Variants in ARHGEF4 observed in about 807,000 individuals in gnomAD.
ARHGEF4 encodes Rho guanine nucleotide exchange factor 4.
Under a neutral mutation model 162.0 loss-of-function variants are expected in ARHGEF4, and 119 were observed. The ratio of observed to expected loss-of-function variants is 0.73; its 90% confidence interval spans 0.63 to 0.86. The LOEUF is 0.86. ARHGEF4 is among the 40% of genes least tolerant of loss of function. The pLI, the probability that ARHGEF4 is intolerant of heterozygous loss-of-function variation, is 0.00. For missense variants in ARHGEF4, 2,488 were observed against 2,456.0 expected (o/e 1.01, Z -0.28); for synonymous variants, 1,014 against 979.9 (o/e 1.03, Z -0.65).
chr2:130,943,535 A>G (rs1210137551), intron 3 of ARHGEF4, among the ~76,000 whole-genome samples: 1 of 152,000 alleles, frequency 6.6e-6, no homozygotes, highest in East Asian at 1.9e-4. Flanking sequence ...CTTTTGGATT[A>G]TTTGGGTATT....
intron 5 of ARHGEF4, chr2:131,035,133 C>T: frequency 8.4e-7 from 1 of 1,186,738 alleles, no homozygotes; most frequent in Non-Finnish European, 1.0e-6. Flanking sequence ...CCGCGGCGCC[C>T]GGGAACGCCC....
chr2:130,919,628 C>A (rs1681743085), intron 2 of ARHGEF4, among the ~76,000 whole-genome samples: 1 of 152,208 alleles, frequency 6.6e-6, no homozygotes, highest in Non-Finnish European at 1.5e-5. Context: ...GTAATCCCAG[C>A]ACTTTGGGAG....
intron 4 of ARHGEF4, among the ~76,000 whole-genome samples, chr2:130,974,658 C>T (rs1224997933): frequency 6.7e-6 from 1 of 148,810 alleles, no homozygotes; most frequent in Admixed American, 6.7e-5. Flanking sequence ...GACAGGGTTT[C>T]GCTATGTTGC....
chr2:130,992,272 C>T (rs1276289022), intron 4 of ARHGEF4, among the ~76,000 whole-genome samples: 5 of 152,160 alleles, frequency 3.3e-5, no homozygotes, highest in Non-Finnish European at 5.9e-5. Context: ...CCTGCGCTAG[C>T]ACTGGCAACC....
intron 3 of ARHGEF4, among the ~76,000 whole-genome samples, chr2:130,940,213 G>A (rs12470016): frequency 0.032 from 4,911 of 152,258 alleles, 101 homozygotes; most frequent in South Asian, 0.053. Flanking sequence ...AGGTGCTACA[G>A]TGATATCAAC....
At chr2:131,035,006 C>T (rs1212588038) in intron 5 of ARHGEF4, 2 of 985,060 alleles carry the variant, frequency 2.0e-6, no homozygotes, top group East Asian at 1.1e-4. Flanking sequence ...GCGCAGGCGC[C>T]CCGCCTCTCC....
intron 1 of ARHGEF4, among the ~76,000 whole-genome samples, chr2:130,873,563 G>A (rs1678630103): frequency 6.6e-6 from 1 of 150,686 alleles, no homozygotes; most frequent in Non-Finnish European, 1.5e-5. Context: ...CTCCAGCCTG[G>A]GAGACAGGAG....
chr2:130,852,767 G>A (rs571703644), intron 1 of ARHGEF4, among the ~76,000 whole-genome samples: 165 of 152,326 alleles, frequency 1.1e-3, no homozygotes, highest in African/African-American at 3.7e-3. Context: ...CTGCAGTGGG[G>A]AGACAGTGAG....
At chr2:130,917,866 A>G (rs548677818) in intron 2 of ARHGEF4, among the ~76,000 whole-genome samples, 43 of 134,270 alleles carry the variant, frequency 3.2e-4, no homozygotes, top group African/African-American at 1.1e-3. Context: ...TCTGTCGCCC[A>G]GGCTGGAGTG....
rs1382192794 is a variant in ARHGEF4 at position 130,949,391 on chromosome 2, T to TC, written c.3985+2757dup. On this transcript the variant is annotated intron_variant, in intron 4 of 13. Coordinates refer to ENST00000409359, the MANE Select transcript of ARHGEF4 (RefSeq NM_001367493.1). ...TTTTTTGAGACGGAGTCTCGCTCTG[T>TC]CACCCAAGCTGGAGTGCAGTGGTGC... Among the ~76,000 whole-genome samples, 3 of 152,356 alleles carry TC rather than the reference T, an allele frequency of 2.0e-5. 1 individual carries two copies. Among genetic ancestry groups the TC allele is most frequent in the Admixed American group, 6.5e-5 (1 of 15,304 alleles).
rs904719571 is a variant in ARHGEF4, at chr2:130,908,326, G to A, written c.40-5660G>A. Among the ~76,000 whole-genome samples the A allele has an allele frequency of 2.6e-5, 4 of 152,316 alleles. No individual in the cohort carries two copies. The East Asian group carries it at 7.7e-4, about 29-fold the overall frequency. The stretch of plus-strand genomic sequence containing the variant: ...TGCATCCTGAAACTTTGCTGAAGTT[G>A]TTTATCAGTTCTAAGAGCCTTTGGG... On this transcript the variant is annotated intron_variant, in intron 1 of 13. Coordinates refer to ENST00000409359, the MANE Select transcript of ARHGEF4 (RefSeq NM_001367493.1).
chr2:130,992,301 C>G (rs1687060946), intron 4 of ARHGEF4, among the ~76,000 whole-genome samples: 1 of 152,166 alleles, frequency 6.6e-6, no homozygotes, highest in Non-Finnish European at 1.5e-5. Context: ...TCCCCTTCCA[C>G]ACTGTGGAAG....
Position 130,915,219 on chromosome 2 carries a change from G to T in ARHGEF4, c.1273G>T (p.Gly425Trp). The change falls in exon 2 of 14, where the codon GGG (glycine) becomes TGG (tryptophan). Residue 425 changes from glycine to tryptophan, a missense_variant. Gly to Trp is a radical substitution (Grantham distance 184). This residue lies in a region of ARHGEF4 where 1,642 missense variants were observed against 1,481.5 expected (regional missense o/e 1.11). Coordinates refer to ENST00000409359, the MANE Select transcript of ARHGEF4 (RefSeq NM_001367493.1). The part of the protein sequence containing the change: ...SQDTPSAGLL[G>W]ENQLRQDSRS... ...GGACACTCCTTCTGCAGGTCTCCTG[G>T]GGGAAAACCAGTTAAGACAGGATTC... is the stretch of plus-strand genomic sequence containing the variant. 6.4e-7 allele frequency: 1 copy of T among 1,550,580 alleles called. No individual in the cohort carries two copies. The highest frequency in any genetic ancestry group is 1.2e-5 in the South Asian group (1 of 84,056).
At chr2:130,922,277 A>C (rs931685548) in intron 2 of ARHGEF4, among the ~76,000 whole-genome samples, 9 of 151,854 alleles carry the variant, frequency 5.9e-5, no homozygotes, top group African/African-American at 2.2e-4. Context: ...AGGCTGAGGC[A>C]GGAGAATCGC....
intron 1 of ARHGEF4, among the ~76,000 whole-genome samples, chr2:130,870,095 G>A (rs1041493984): frequency 3.3e-5 from 5 of 152,148 alleles, no homozygotes; most frequent in African/African-American, 9.7e-5. Context: ...AACAATATTC[G>A]CCCTCTGCTG....
intron 1 of ARHGEF4, among the ~76,000 whole-genome samples, chr2:130,873,016 G>A (rs1678589985): frequency 6.6e-6 from 1 of 152,248 alleles, no homozygotes; most frequent in Non-Finnish European, 1.5e-5. Context: ...AAGCCTCTGA[G>A]TCAGGCAGCC....
chr2:130,930,962 C>T lies in ARHGEF4; in HGVS notation c.3563C>T (p.Pro1188Leu), dbSNP rs1417627342. The T allele has an allele frequency of 6.2e-7, 1 of 1,607,224 alleles. No homozygotes were observed. Among genetic ancestry groups the T allele is most frequent in the Non-Finnish European group, 8.5e-7 (1 of 1,174,804 alleles). Reference protein sequence around the residue: ...RDLPGSENHMPWEEPAGEKPS... With the variant: ...RDLPGSENHMLWEEPAGEKPS... ...CTCTCTGCTCTCCAGAACCACATGC[C>T]CTGGGAAGAACCAGCAGGTGAGAAG... The change falls in exon 3 of 14, where the codon CCC becomes CTC. Residue 1188 changes from proline (P) to leucine (L), a missense_variant. Pro to Leu is a moderately conservative substitution (Grantham distance 98). Transcript: ENST00000409359.
intron 4 of ARHGEF4, among the ~76,000 whole-genome samples, chr2:130,950,692 C>G (rs938046547): frequency 2.8e-5 from 4 of 143,298 alleles, no homozygotes; most frequent in South Asian, 2.2e-4. Context: ...TATTACCCCC[C>G]ACCACCACCC....
Position 131,040,051 on chromosome 2 carries a change from C to T in ARHGEF4, c.4341C>T (p.Asp1447=), listed in dbSNP as rs1265411319. The change falls in exon 7 of 14, where the codon GAC becomes GAT. Residue 1447 remains aspartate, a synonymous_variant. Coordinates refer to ENST00000409359, the MANE Select transcript of ARHGEF4 (RefSeq NM_001367493.1). ...ATCAGGACGAGCCCGCGGATGACGA[C>T]GCCCCTCTGGCCGGGAACAGCGGAG... ...RVNQDEPADD[D]APLAGNSGAE... The T allele has an allele frequency of 1.3e-6, 2 of 1,582,048 alleles. No individual in the cohort carries two copies. Among genetic ancestry groups the T allele is most frequent in the African/African-American group, 1.4e-5 (1 of 73,974 alleles).
Sources: allele counts gnomAD v4.1 joint callset (sites outside exome capture counted in the v4.1 genomes callset), GRCh38; gene constraint gnomAD v4.1.1; regional missense constraint gnomAD v4.1.1; transcripts MANE v1.5; gene names NCBI Gene and HGNC (gene_info 2026-07-23, HGNC 2026-07-21).